SEZ6L: variants seen among roughly 807,000 people sequenced by gnomAD.
SEZ6L encodes the protein seizure 6-like protein.
In SEZ6L, 37 loss-of-function variants were observed where a neutral mutation model predicts 106.2. The observed-to-expected ratio is 0.35, with a 90% CI of 0.27 to 0.46. The LOEUF is 0.46. SEZ6L is among the 20% of genes least tolerant of loss of function. The probability of loss-of-function intolerance (pLI) is 1.00; values close to 1 mark genes in which losing one functional copy is unlikely to be tolerated. For missense variants in SEZ6L, 1,172 were observed against 1,332.8 expected (o/e 0.88, Z 1.88); for synonymous variants, 541 against 570.4 (o/e 0.95, Z 0.73).
chr22:26,316,227 T>C (rs1040118165), intron 9 of SEZ6L, among the ~76,000 whole-genome samples: 1 of 152,186 alleles, frequency 6.6e-6, no homozygotes, highest in Non-Finnish European at 1.5e-5. Context: ...GTTCTAATGG[T>C]TGTTCCTTCA....
intron 9 of SEZ6L, among the ~76,000 whole-genome samples, chr22:26,335,088 G>T (rs775994411): frequency 6.6e-6 from 1 of 152,166 alleles, no homozygotes; most frequent in Non-Finnish European, 1.5e-5. Context: ...ACAAAGGTCC[G>T]ATTCCAGGGA....
chr22:26,240,096 A>G (rs867832878), intron 1 of SEZ6L, among the ~76,000 whole-genome samples: 1 of 147,454 alleles, frequency 6.8e-6, no homozygotes, highest in Non-Finnish European at 1.5e-5. Flanking sequence ...ACACACTCAC[A>G]CACACACACA....
At chr22:26,211,533 G>C (rs763567685) in intron 1 of SEZ6L, among the ~76,000 whole-genome samples, 1 of 152,120 alleles carries the variant, frequency 6.6e-6, no homozygotes, top group Non-Finnish European at 1.5e-5. Context: ...TCTACAGAGC[G>C]TTAGGCTCAA....
chr22:26,272,320 TATGAAAAAC>T (rs1257367538), intron 1 of SEZ6L, among the ~76,000 whole-genome samples: 1 of 152,246 alleles, frequency 6.6e-6, no homozygotes. Context: ...AATAAAAGTT[TATGAAAAAC>T]ATGAAAAGAT....
rs1003443466 is a variant in SEZ6L at position 26,224,072 on chromosome 22, GA to G, written c.94+54318del. On this transcript the variant is annotated intron_variant, in intron 1 of 16. Coordinates refer to ENST00000248933, the MANE Select transcript of SEZ6L (RefSeq NM_021115.5). ...GTCATTGAATAAAATGTCTCAAGGAGAAAAAAAAAGTTGAATTAATACACAA... is the reference window on the plus strand; with the variant it reads ...GTCATTGAATAAAATGTCTCAAGGAGAAAAAAAAGTTGAATTAATACACAA... 5.4e-3 allele frequency among the ~76,000 whole-genome samples: 819 copies of G among 151,138 alleles called. 11 individuals carry two copies. The highest frequency in any genetic ancestry group is 0.018 in the African/African-American group (742 of 41,246).
intron 1 of SEZ6L, among the ~76,000 whole-genome samples, chr22:26,208,415 C>T (rs552904212): frequency 3.3e-5 from 5 of 151,952 alleles, no homozygotes; most frequent in African/African-American, 7.3e-5. Context: ...CTGAATATGC[C>T]GTTAGTTTAC....
At chr22:26,304,807 G>C (rs75542645) in intron 5 of SEZ6L, among the ~76,000 whole-genome samples, 31,145 of 151,942 alleles carry the variant, frequency 0.2, 3,531 homozygotes, top group African/African-American at 0.3. Flanking sequence ...ATATGCTGAA[G>C]TATTCTTTGA....
intron 1 of SEZ6L, among the ~76,000 whole-genome samples, chr22:26,239,394 TCAGA>T (rs1239573417): frequency 6.6e-6 from 1 of 152,200 alleles, no homozygotes; most frequent in African/African-American, 2.4e-5. Context: ...TCAAGCATCA[TCAGA>T]CAGGTTCTGC....
chr22:26,297,071 C>A lies in SEZ6L; in HGVS notation c.1153C>A (p.His385Asn). 6.2e-7 allele frequency: 1 copy of A among 1,612,606 alleles called. No individual in the cohort carries two copies. The highest frequency in any genetic ancestry group is 8.5e-7 in the Non-Finnish European group (1 of 1,179,186). The change falls in exon 4 of 17, where the codon CAC (histidine) becomes AAC (asparagine). Residue 385 changes from histidine (H) to asparagine (N), a missense_variant. His to Asn is a moderately conservative substitution (Grantham distance 68, BLOSUM62 1). Coordinates refer to ENST00000248933, the MANE Select transcript of SEZ6L (RefSeq NM_021115.5). Reference protein sequence around the residue: ...QDDGLGTFQLHYQAFMLSCNF... With the variant: ...QDDGLGTFQLNYQAFMLSCNF... The stretch of plus-strand genomic sequence containing the variant: ...CGACGGCCTTGGGACCTTCCAGCTT[C>A]ACTACCAGGGTAGGGTCAGGCCAAG...
intron 11 of SEZ6L, among the ~76,000 whole-genome samples, chr22:26,348,578 GAAAGAAA>G (rs1569473348): frequency 3.9e-5 from 3 of 77,096 alleles, no homozygotes; most frequent in African/African-American, 2.2e-4. Flanking sequence ...AAGAAAGAAA[GAAAGAAA>G]GAGAAAGAAA....
At chr22:26,271,142 A>G (rs2080351536) in intron 1 of SEZ6L, among the ~76,000 whole-genome samples, 1 of 152,194 alleles carries the variant, frequency 6.6e-6, no homozygotes, top group Non-Finnish European at 1.5e-5. Flanking sequence ...ATATCCCTTC[A>G]TTCCCAAGTC....
intron 1 of SEZ6L, among the ~76,000 whole-genome samples, chr22:26,197,717 T>A (rs1940670313): frequency 6.6e-6 from 1 of 152,186 alleles, no homozygotes; most frequent in Non-Finnish European, 1.5e-5. Context: ...GAAACACTTT[T>A]TTTTCTAAAT....
intron 9 of SEZ6L, among the ~76,000 whole-genome samples, chr22:26,317,449 G>A (rs1471025306): frequency 6.6e-6 from 1 of 151,470 alleles, no homozygotes; most frequent in African/African-American, 2.4e-5. Flanking sequence ...GGCCTCACAG[G>A]GAGCCTCCCA....
At chr22:26,275,944 AG>A (rs1175650568) in intron 1 of SEZ6L, among the ~76,000 whole-genome samples, 1 of 152,132 alleles carries the variant, frequency 6.6e-6, no homozygotes, top group African/African-American at 2.4e-5. Context: ...GGCTGGCTGG[AG>A]GAGAGACATG....
At chr22:26,327,211 TACCACAC>T (rs2082333334) in intron 9 of SEZ6L, among the ~76,000 whole-genome samples, 1 of 134,126 alleles carries the variant, frequency 7.5e-6, no homozygotes, top group Non-Finnish European at 1.6e-5. Context: ...TGGCAGTATA[TACCACAC>T]ACCACACACA....
chr22:26,360,571 G>A (rs1365446202), intron 12 of SEZ6L, among the ~76,000 whole-genome samples: 1 of 152,114 alleles, frequency 6.6e-6, no homozygotes, highest in Non-Finnish European at 1.5e-5. Flanking sequence ...ATTCTTTTGT[G>A]TCGCCACTGC....
chr22:26,287,235 C>A (rs1052146456), intron 1 of SEZ6L, among the ~76,000 whole-genome samples: 4 of 152,118 alleles, frequency 2.6e-5, no homozygotes, highest in African/African-American at 9.7e-5. Flanking sequence ...AGAGCAACAT[C>A]AGCGTGCATT....
In SEZ6L at chr22:26,375,584, C is replaced by T. The variant is rs376385912; in HGVS notation, c.2837C>T (p.Ala946Val). 8 of 1,613,798 alleles carry T rather than the reference C, an allele frequency of 5.0e-6. No homozygotes were observed. The highest frequency in any genetic ancestry group is 3.3e-5 in the Admixed American group (2 of 60,006). The change falls in exon 15 of 17, where the codon GCG becomes GTG. Residue 946 changes from alanine to valine, a missense_variant. Around this residue, in one of 4 missense-constraint regions of SEZ6L, gnomAD observed 141 missense variants for 176.0 expected, o/e 0.80. Transcript: ENST00000248933. Reference sequence around the variant, plus strand: ...TGGCTCCTGTGTTCAGTAGCAGAAGCGGCAGCAGAGACGTCGCTGGAAGGG... The same window carrying T: ...TGGCTCCTGTGTTCAGTAGCAGAAGTGGCAGCAGAGACGTCGCTGGAAGGG... Reference protein sequence around the residue: ...SFEHALEVAEAAAETSLEGGN... With the variant: ...SFEHALEVAEVAAETSLEGGN...
Position 26,169,709 on chromosome 22 carries a change from A to G in SEZ6L, c.40A>G (p.Ile14Val). 1 of 1,309,532 alleles carries G rather than the reference A, an allele frequency of 7.6e-7. No homozygotes were observed. Among genetic ancestry groups the G allele is most frequent in the Non-Finnish European group, 9.7e-7 (1 of 1,032,044 alleles). 81.1% of individuals were successfully genotyped at this position (1,309,532 alleles called of 1,614,324 possible). ...ARPPAAGLRG[I>V]SLFLALLLGS... The stretch of plus-strand genomic sequence containing the variant: ...GCCGCCCGCCGCGGGACTCCGCGGG[A>G]TCTCGCTGTTCCTCGCTCTGCTCCT... Residue 14 changes from isoleucine to valine, a missense_variant, in exon 1 of 17, where the codon ATC becomes GTC. By Grantham distance (29) the Ile-to-Val change is conservative. Transcript: ENST00000248933.
Sources: allele counts gnomAD v4.1 joint callset (sites outside exome capture counted in the v4.1 genomes callset), GRCh38; gene constraint gnomAD v4.1.1; regional missense constraint gnomAD v4.1.1; transcripts MANE v1.5; gene names NCBI Gene and HGNC (gene_info 2026-07-23, HGNC 2026-07-21).